Variants in LRRTM4 observed in about 807,000 individuals in gnomAD.
The protein encoded by LRRTM4 is leucine-rich repeat transmembrane neuronal protein 4.
A neutral mutation model predicts 47.6 loss-of-function variants in LRRTM4; 25 were observed. That is an observed-to-expected ratio of 0.53 (90% CI 0.38 to 0.73). The LOEUF is 0.73. Ranked by LOEUF, LRRTM4 falls within the 30% of genes least tolerant of loss-of-function variation. The probability of loss-of-function intolerance (pLI) is 0.00; values close to 1 mark genes in which losing one functional copy is unlikely to be tolerated. For synonymous variants in LRRTM4, 311 were observed against 269.5 expected, an observed-to-expected ratio of 1.15 and a Z score of -1.51; for missense variants, 638 against 713.4, an observed-to-expected ratio of 0.89 and a Z score of 1.20.
At chr2:77,195,081 G>A (rs1487296127) in intron 3 of LRRTM4, among the ~76,000 whole-genome samples, 1 of 151,832 alleles carries the variant, frequency 6.6e-6, no homozygotes, top group Non-Finnish European at 1.5e-5. Context: ...TAAAACAGAG[G>A]ATTTAGAACA....
intron 3 of LRRTM4, among the ~76,000 whole-genome samples, chr2:76,910,084 T>C (rs1185618251): frequency 1.3e-5 from 2 of 152,026 alleles, no homozygotes; most frequent in African/African-American, 4.8e-5. Context: ...TAGCAAAGAC[T>C]TGGAACCAAC....
In LRRTM4 at chr2:77,518,972, C is replaced by A; in HGVS notation, c.897G>T (p.Ala299=). Residue 299 remains alanine (A), a synonymous_variant, in exon 3 of 4, where the codon GCG becomes GCT. Coordinates refer to ENST00000409884, the MANE Select transcript of LRRTM4 (RefSeq NM_001134745.3). ...LTNISQETVN[A]WISLISITLS... ...ATGTGATGGATATTAATGATATCCA[C>A]GCATTGACAGTTTCCTGTGAGATAT... 1 of 1,611,686 alleles carries A rather than the reference C, an allele frequency of 6.2e-7. No individual in the cohort carries two copies.
intron 3 of LRRTM4, among the ~76,000 whole-genome samples, chr2:76,892,400 A>T (rs1245094627): frequency 4.6e-5 from 7 of 151,782 alleles, no homozygotes; most frequent in African/African-American, 1.7e-4. Context: ...AATTACTATT[A>T]TTTTAGAAAC....
chr2:77,475,888 C>G (rs1407710866), intron 3 of LRRTM4, among the ~76,000 whole-genome samples: 1 of 151,846 alleles, frequency 6.6e-6, no homozygotes, highest in Admixed American at 6.6e-5. Context: ...TGTTTACATT[C>G]TATGCCTATT....
At chr2:77,291,971 T>A (rs998117934) in intron 3 of LRRTM4, among the ~76,000 whole-genome samples, 2 of 151,634 alleles carry the variant, frequency 1.3e-5, no homozygotes, top group African/African-American at 2.4e-5. Flanking sequence ...ATATCCAGAA[T>A]CTACAATGAA....
intron 3 of LRRTM4, among the ~76,000 whole-genome samples, chr2:76,795,749 C>CAACA (rs1675265649): frequency 6.6e-6 from 1 of 151,978 alleles, no homozygotes; most frequent in Admixed American, 6.6e-5. Flanking sequence ...TTTATGAGGC[C>CAACA]AACATTACCC....
At chr2:77,190,709 G>A (rs966916197) in intron 3 of LRRTM4, among the ~76,000 whole-genome samples, 1 of 152,126 alleles carries the variant, frequency 6.6e-6, no homozygotes, top group Non-Finnish European at 1.5e-5. Flanking sequence ...ATGTGATAGT[G>A]TACTAATTGC....
rs1030723024 is a variant in LRRTM4 at position 77,148,402 on chromosome 2, T to C, written c.1551+369916A>G. ...ACTGCTATACTAAGAATGCGAGAAA[T>C]TTAACCTCTCCAAATTTCATCATTC... On this transcript the variant is annotated intron_variant, in intron 3 of 3. Transcript: ENST00000409884. 3.3e-5 allele frequency among the ~76,000 whole-genome samples: 5 copies of C among 152,156 alleles called. No homozygotes were observed. The South Asian group carries it at 8.3e-4, about 25-fold the overall frequency.
intron 3 of LRRTM4, among the ~76,000 whole-genome samples, chr2:77,469,029 T>C (rs1167951680): frequency 2.0e-5 from 3 of 152,200 alleles, no homozygotes. Context: ...GTCCCATTGG[T>C]GCAGATGGAG....
chr2:77,237,257 G>C (rs1342601421), intron 3 of LRRTM4, among the ~76,000 whole-genome samples: 1 of 151,298 alleles, frequency 6.6e-6, no homozygotes, highest in Non-Finnish European at 1.5e-5. Context: ...ATTTCTTCCA[G>C]ATTCACGCTT....
At chr2:76,984,032 T>C (rs908120176) in intron 3 of LRRTM4, among the ~76,000 whole-genome samples, 1 of 152,112 alleles carries the variant, frequency 6.6e-6, no homozygotes, top group South Asian at 2.1e-4. Context: ...CTGTTTGTAA[T>C]CATCATCTGA....
At chr2:77,377,977 T>C (rs1360754286) in intron 3 of LRRTM4, among the ~76,000 whole-genome samples, 1 of 152,032 alleles carries the variant, frequency 6.6e-6, no homozygotes, top group African/African-American at 2.4e-5. Context: ...GTCAAAATTG[T>C]ACATCTTTTA....
At chr2:76,925,415 C>A (rs1008424192) in intron 3 of LRRTM4, among the ~76,000 whole-genome samples, 1 of 152,076 alleles carries the variant, frequency 6.6e-6, no homozygotes, top group Non-Finnish European at 1.5e-5. Flanking sequence ...TTGATTTCAG[C>A]CTCTGAGGCT....
At chr2:76,760,957 C>A (rs1178810463) in intron 3 of LRRTM4, among the ~76,000 whole-genome samples, 1 of 152,218 alleles carries the variant, frequency 6.6e-6, no homozygotes, top group East Asian at 1.9e-4. Flanking sequence ...TTTGACAAAT[C>A]TGTAGTGATT....
chr2:77,405,569 C>T (rs1674152161), intron 3 of LRRTM4, among the ~76,000 whole-genome samples: 1 of 152,076 alleles, frequency 6.6e-6, no homozygotes, highest in Admixed American at 6.6e-5. Context: ...CTTTACCTAG[C>T]TAACATCTAT....
intron 3 of LRRTM4, among the ~76,000 whole-genome samples, chr2:77,003,919 T>G (rs968760194): frequency 6.6e-6 from 1 of 152,172 alleles, no homozygotes. Context: ...GGTGGTCTCA[T>G]AGGGACATGA....
At chr2:76,929,852 T>C (rs572480925) in intron 3 of LRRTM4, among the ~76,000 whole-genome samples, 1 of 152,224 alleles carries the variant, frequency 6.6e-6, no homozygotes, top group East Asian at 1.9e-4. Flanking sequence ...GTTTTTAGAA[T>C]ATAAATATTT....
chr2:76,868,245 T>C (rs927611640), intron 3 of LRRTM4, among the ~76,000 whole-genome samples: 1 of 152,232 alleles, frequency 6.6e-6, no homozygotes, highest in African/African-American at 2.4e-5. Context: ...TTTTTTAATA[T>C]TAATTTTTCT....
At chr2:76,803,746 C>T (rs1010928786) in intron 3 of LRRTM4, among the ~76,000 whole-genome samples, 7 of 152,122 alleles carry the variant, frequency 4.6e-5, no homozygotes, top group Admixed American at 4.6e-4. Context: ...ACTTGGCTGG[C>T]ATCTGGGAAC....
Sources: allele counts gnomAD v4.1 joint callset (sites outside exome capture counted in the v4.1 genomes callset), GRCh38; gene constraint gnomAD v4.1.1; transcripts MANE v1.5; gene names NCBI Gene and HGNC (gene_info 2026-07-23, HGNC 2026-07-21).